Variants in ACTL8 observed in about 807,000 individuals in gnomAD.
The protein encoded by ACTL8 is actin-like protein 8.
In ACTL8, 3 loss-of-function variants were observed where a neutral mutation model predicts 9.3. That is an observed-to-expected ratio of 0.32 (90% confidence interval 0.15 to 0.83). The LOEUF is 0.83. ACTL8 is among the 40% of genes least tolerant of loss of function. The probability of loss-of-function intolerance (pLI) is 0.57; values close to 1 mark genes in which losing one functional copy is unlikely to be tolerated. For missense variants in ACTL8, 381 were observed against 492.2 expected (o/e 0.77, Z 2.14); for synonymous variants, 224 against 205.9 (o/e 1.09, Z -0.75).
At chr1:17,795,684 G>A (rs1012153502) in intron 1 of ACTL8, among the ~76,000 whole-genome samples, 2 of 152,268 alleles carry the variant, frequency 1.3e-5, no homozygotes, top group Non-Finnish European at 2.9e-5. Flanking sequence ...AAACAGAAGG[G>A]TGGGGGTCCC....
intron 1 of ACTL8, among the ~76,000 whole-genome samples, chr1:17,817,538 C>T (rs2066434360): frequency 6.6e-6 from 1 of 152,062 alleles, no homozygotes; most frequent in South Asian, 2.1e-4. Context: ...ACTGTTCCCT[C>T]TGGGTTTCTT....
At chr1:17,759,903 G>T (rs2065990166) in intron 1 of ACTL8, among the ~76,000 whole-genome samples, 1 of 152,122 alleles carries the variant, frequency 6.6e-6, no homozygotes, top group Admixed American at 6.5e-5. Context: ...TTACTTTCTA[G>T]CCAGTTTCTT....
At chr1:17,780,199 A>G (rs769436351) in intron 1 of ACTL8, among the ~76,000 whole-genome samples, 15 of 151,568 alleles carry the variant, frequency 9.9e-5, no homozygotes, top group Non-Finnish European at 1.3e-4. Flanking sequence ...CAGAGTTGAG[A>G]CCCTGTCTTG....
chr1:17,826,568 C>T lies in ACTL8; in HGVS notation c.*49C>T, dbSNP rs185743288. On this transcript the variant is annotated 3_prime_UTR_variant, in exon 3 of 3. Transcript: ENST00000375406. This position sits in a 1 kb window ranked among gnomAD's most constrained non-coding sequence, Gnocchi z 4.5. ...TGGGCTCCTGTTAGATGGGCACGGG[C>T]GGATTAATTTTAGCAAAATGTTCTG... 62 of 1,454,292 alleles carry T rather than the reference C, an allele frequency of 4.3e-5. No individual in the cohort carries two copies. The highest frequency in any genetic ancestry group is 7.2e-5 in the Admixed American group (3 of 41,762). 90.1% of individuals were successfully genotyped at this position (1,454,292 alleles called of 1,614,324 possible). A position where few individuals can be genotyped will look rare whatever the true frequency, so the allele number is the denominator to read the frequency against.
intron 1 of ACTL8, among the ~76,000 whole-genome samples, chr1:17,809,065 C>T (rs910878845): frequency 2.6e-5 from 4 of 152,108 alleles, no homozygotes; most frequent in South Asian, 2.1e-4. Flanking sequence ...GCTATCATGC[C>T]GCCAGCAAAC....
intron 1 of ACTL8, among the ~76,000 whole-genome samples, chr1:17,769,383 C>CA (rs545168669): frequency 1.1e-3 from 167 of 152,312 alleles, no homozygotes; most frequent in African/African-American, 3.9e-3. Context: ...CTAGCAAAAT[C>CA]AGAGTCAGCA....
At chr1:17,796,641 C>T (rs1052707367) in intron 1 of ACTL8, among the ~76,000 whole-genome samples, 1 of 152,222 alleles carries the variant, frequency 6.6e-6, no homozygotes, top group Non-Finnish European at 1.5e-5. Flanking sequence ...ACAGGGAATG[C>T]TGGGACTCTC....
chr1:17,816,818 C>T (rs780990375), intron 1 of ACTL8, among the ~76,000 whole-genome samples: 9 of 152,162 alleles, frequency 5.9e-5, no homozygotes, highest in Non-Finnish European at 7.3e-5. Flanking sequence ...GTATTCTTCC[C>T]CAACTCTTTG....
At position 17,767,900 on chromosome 1, in the gene ACTL8, TC is replaced by T. The variant is rs908493591; in HGVS notation, c.-25+12399del. ...TTCTCGAAAGCATGAGGCCCCAGCC[TC>T]CCTGGGTGTGCAGAATGGGTGCTCG... On this transcript the variant is annotated intron_variant, in intron 1 of 2. Transcript: ENST00000375406. The surrounding 1 kb of genome is among the most constrained non-coding windows in gnomAD (Gnocchi z 4.7). 8.5e-5 allele frequency among the ~76,000 whole-genome samples: 13 copies of T among 152,196 alleles called. No homozygotes were observed. In the South Asian group the frequency reaches 1.2e-3, roughly 15 times the overall value.
At chr1:17,794,620 A>ATT (rs145055573) in intron 1 of ACTL8, among the ~76,000 whole-genome samples, 1 of 152,086 alleles carries the variant, frequency 6.6e-6, no homozygotes, top group African/African-American at 2.4e-5. Flanking sequence ...GTCTCATCTT[A>ATT]TTTTTTTACT....
At chr1:17,768,194 G>A (rs2066059261) in intron 1 of ACTL8, among the ~76,000 whole-genome samples, 1 of 144,896 alleles carries the variant, frequency 6.9e-6, no homozygotes, top group African/African-American at 2.6e-5. Flanking sequence ...GTGGGTGGGT[G>A]GTGTTTCTAG....
At chr1:17,812,427 C>CTTTTTTTTTTTTTTTTTTTTTTT (rs141182523) in intron 1 of ACTL8, among the ~76,000 whole-genome samples, 4 of 122,412 alleles carry the variant, frequency 3.3e-5, no homozygotes, top group Admixed American at 9.5e-5. Context: ...ATTTTTTTTC[C>CTTTTTTTTTTTTTTTTTTTTTTT]TTTTTTTTTT....
chr1:17,776,704 G>T (rs936936653), intron 1 of ACTL8, among the ~76,000 whole-genome samples: 2 of 152,112 alleles, frequency 1.3e-5, no homozygotes, highest in African/African-American at 4.8e-5. Flanking sequence ...TGCTCAGAAG[G>T]GTTTTAAATA....
At chr1:17,803,194 G>A (rs1217324742) in intron 1 of ACTL8, among the ~76,000 whole-genome samples, 1 of 151,922 alleles carries the variant, frequency 6.6e-6, no homozygotes, top group Non-Finnish European at 1.5e-5. Context: ...TTTATAAGGG[G>A]TTTCCCGCCC....
chr1:17,759,380 T>G (rs2065987793), intron 1 of ACTL8, among the ~76,000 whole-genome samples: 1 of 152,226 alleles, frequency 6.6e-6, no homozygotes, highest in Non-Finnish European at 1.5e-5. Flanking sequence ...GCTGCCGTGC[T>G]CAGCAGAGGC....
chr1:17,762,760 GC>G (rs2102673848), intron 1 of ACTL8, among the ~76,000 whole-genome samples: 1 of 152,170 alleles, frequency 6.6e-6, no homozygotes, highest in Non-Finnish European at 1.5e-5. Context: ...TCTCCTTGGT[GC>G]CCCCCGCCCC....
chr1:17,769,786 G>A (rs1308954439), intron 1 of ACTL8, among the ~76,000 whole-genome samples: 1 of 152,154 alleles, frequency 6.6e-6, no homozygotes, highest in African/African-American at 2.4e-5. Flanking sequence ...GGCTTCTTGG[G>A]CCACATCTTT....
chr1:17,776,568 T>C (rs2066119382), intron 1 of ACTL8, among the ~76,000 whole-genome samples: 1 of 152,122 alleles, frequency 6.6e-6, no homozygotes, highest in Admixed American at 6.5e-5. Flanking sequence ...TGAGTCTGCT[T>C]CCGTTCCACT....
At chr1:17,777,155 A>G (rs1368212505) in intron 1 of ACTL8, among the ~76,000 whole-genome samples, 1 of 151,490 alleles carries the variant, frequency 6.6e-6, no homozygotes, top group Non-Finnish European at 1.5e-5. Context: ...CCAATAACCT[A>G]CCTGTGGCAG....
Sources: allele counts gnomAD v4.1 joint callset (sites outside exome capture counted in the v4.1 genomes callset), GRCh38; gene constraint gnomAD v4.1.1; non-coding constraint Gnocchi (gnomAD v3.1); transcripts MANE v1.5; gene names NCBI Gene and HGNC (gene_info 2026-07-23, HGNC 2026-07-21).